Variants in JAG1 observed in about 807,000 individuals in gnomAD.
The protein encoded by JAG1 is jagged canonical Notch ligand 1.
JAG1 carries 23 observed loss-of-function variants against 148.7 expected under a neutral mutation model. That is an observed-to-expected ratio of 0.15 (90% CI 0.11 to 0.22). JAG1 has a LOEUF of 0.22. Among genes scored for constraint, JAG1 ranks in the 10% least tolerant of loss-of-function variants. JAG1 has a pLI of 1.00. For synonymous variants in JAG1, 572 were observed against 598.3 expected, an observed-to-expected ratio of 0.96 and a Z score of 0.64; for missense variants, 1,054 against 1,611.2, an observed-to-expected ratio of 0.65 and a Z score of 5.92.
chr20:10,665,675 A>G (rs2067449071), intron 2 of JAG1, among the ~76,000 whole-genome samples: 1 of 152,188 alleles, frequency 6.6e-6, no homozygotes, highest in Non-Finnish European at 1.5e-5. Context: ...GGTCACGTTG[A>G]GGCCCACGTC....
At position 10,645,181 on chromosome 20, in the gene JAG1, A is replaced by G. The variant is rs768520047; in HGVS notation, c.2189T>C (p.Met730Thr). The G allele has an allele frequency of 3.7e-6, 6 of 1,614,086 alleles. No individual in the cohort carries two copies. The highest frequency in any genetic ancestry group is 3.3e-5 in the South Asian group (3 of 91,084). The change falls in exon 17 of 26, where the codon ATG becomes ACG. Residue 730 changes from methionine (M) to threonine (T), a missense_variant. By Grantham distance (81) the Met-to-Thr change is moderately conservative. Coordinates refer to ENST00000254958, the MANE Select transcript of JAG1 (RefSeq NM_000214.3). The surrounding 1 kb of genome is among the most constrained non-coding windows in gnomAD (Gnocchi z 6.1). ...CYDEGDAFKC[M>T]CPGGWEGTTC... ...TGTTCCTTCCCAGCCGCCAGGACAC[A>G]TGCACTTAAAAGCATCCCCCTCATC...
chr20:10,653,592 G>T (rs2067360336), intron 5 of JAG1, among the ~76,000 whole-genome samples: 1 of 150,234 alleles, frequency 6.7e-6, no homozygotes, highest in Non-Finnish European at 1.5e-5. Flanking sequence ...GGAGGGTGGA[G>T]GGTGGGGTGC....
intron 3 of JAG1, among the ~76,000 whole-genome samples, chr20:10,659,083 G>A (rs569883389): frequency 2.6e-5 from 4 of 152,174 alleles, no homozygotes; most frequent in Non-Finnish European, 5.9e-5. Context: ...AGAAATGGAA[G>A]TGCTGAATCA....
In JAG1 at chr20:10,641,853, G is replaced by C. The variant is rs35761929; in HGVS notation, c.2612C>G (p.Pro871Arg). ...RPCITMGSVI[P>R]DGAKWDDDCN... ...GTCATCATCCCATTTGGCCCCATCT[G>C]GTATCACACTCCCCATGGTGATGCA... is the stretch of plus-strand genomic sequence containing the variant. The change falls in exon 22 of 26, where the codon CCA (proline) becomes CGA (arginine). Residue 871 changes from proline (P) to arginine (R), a missense_variant. Around this residue, in one of 6 missense-constraint regions of JAG1, gnomAD observed 342 missense variants for 514.6 expected, o/e 0.66. Coordinates refer to ENST00000254958, the MANE Select transcript of JAG1 (RefSeq NM_000214.3). The C allele has an allele frequency of 0.066, 106,018 of 1,613,100 alleles. 4,249 individuals carry two copies. The highest frequency in any genetic ancestry group is 0.14 in the South Asian group (12,946 of 91,048).
Position 10,638,029 on chromosome 20 carries a change from GAAC to G in JAG1, c.*1466_*1468del, listed in dbSNP as rs2067244605. On this transcript the variant is annotated 3_prime_UTR_variant, in exon 26 of 26. Transcript: ENST00000254958. ...ATTACTTTTCAAAATTTATTGCCAA[GAAC>G]AACACATCAAAGATGCATTTGTATG... 1 of 152,724 alleles carries G rather than the reference GAAC, an allele frequency of 6.5e-6. No individual in the cohort carries two copies. Among genetic ancestry groups the G allele is most frequent in the South Asian group, 2.1e-4 (1 of 4,828 alleles). The allele number at this position is 152,724 out of a possible 1,614,324, so 9.5% of individuals were successfully genotyped here.
chr20:10,672,686 C>G lies in JAG1; in HGVS notation c.387+15G>C, dbSNP rs760979506. On this transcript the variant is annotated intron_variant, in intron 2 of 25. Transcript: ENST00000254958. ...GTGAGGCTCCGCCCGGCCTCCTTCC[C>G]GAGTAGTCACTCACCGGCCAGGCGA... The G allele has an allele frequency of 4.3e-6, 7 of 1,611,384 alleles. No individual in the cohort carries two copies. Among genetic ancestry groups the G allele is most frequent in the Middle Eastern group, 1.7e-4 (1 of 6,022 alleles).
chr20:10,668,656 T>C (rs2067473669), intron 2 of JAG1, among the ~76,000 whole-genome samples: 1 of 151,464 alleles, frequency 6.6e-6, no homozygotes, highest in South Asian at 2.1e-4. Flanking sequence ...GAAGGCTCCT[T>C]GTTACCTTGA....
In JAG1 at chr20:10,641,610, G is replaced by C; in HGVS notation, c.2766C>G (p.Asp922Glu). ...TGCAGGGGTGGACGAAGCACTGGTCGTCCAGGATGGGGATGCAGCTCTGCC... is the reference window on the plus strand; with the variant it reads ...TGCAGGGGTGGACGAAGCACTGGTCCTCCAGGATGGGGATGCAGCTCTGCC... ...PSGQSCIPIL[D>E]DQCFVHPCTG... Residue 922 changes from aspartate (D) to glutamate (E), a missense_variant, in exon 23 of 26, where the codon GAC becomes GAG. By Grantham distance (45) the Asp-to-Glu change is conservative. Transcript: ENST00000254958. 3 of 1,614,060 alleles carry C rather than the reference G, an allele frequency of 1.9e-6. No homozygotes were observed. The highest frequency in any genetic ancestry group is 2.5e-6 in the Non-Finnish European group (3 of 1,180,024).
At chr20:10,651,185 A>G (rs1436325740) in intron 8 of JAG1, 1 of 187,804 alleles carries the variant, frequency 5.3e-6, no homozygotes, top group African/African-American at 2.3e-5. Flanking sequence ...AGCCAAAGGA[A>G]CTCTGCAGGC....
chr20:10,644,717 G>T (rs574437777), intron 18 of JAG1, 146 bp downstream of exon 18: 292 of 751,020 alleles, frequency 3.9e-4, no homozygotes, highest in Middle Eastern at 7.3e-4. Context: ...GGTCAGGGCT[G>T]TATCCCATCA....
In JAG1 at chr20:10,656,872, TAA is replaced by T. The variant is rs33952645; in HGVS notation, c.695-416_695-415del. ...ACACATTCAGATGAGCCTCAGCCTT[TAA>T]AAAAAAAAAAAAAAAAAAAAACAAC... is the stretch of plus-strand genomic sequence containing the variant. On this transcript the variant is annotated intron_variant, in intron 4 of 25. Transcript: ENST00000254958. Among the ~76,000 whole-genome samples, 1,086 of 113,356 alleles carry T rather than the reference TAA, an allele frequency of 9.6e-3. 15 individuals are homozygous for T. Among genetic ancestry groups the T allele is most frequent in the African/African-American group, 0.027 (844 of 31,018 alleles). The allele number at this position is 113,356 out of a possible 152,430, so 74.4% of individuals were successfully genotyped here.
At chr20:10,660,613 T>C (rs2067409958) in intron 3 of JAG1, among the ~76,000 whole-genome samples, 1 of 152,178 alleles carries the variant, frequency 6.6e-6, no homozygotes, top group African/African-American at 2.4e-5. Flanking sequence ...GCTTTCCACT[T>C]ATTTCCGGGA....
rs146155406 is a variant in JAG1, at chr20:10,643,716, G to A, written c.2458+62C>T. On this transcript the variant is annotated intron_variant, in intron 20 of 25. Transcript: ENST00000254958. ...CTTTGTTTTTAAAGATGAAAGTCTT[G>A]GGGTGAGGCATGGAATGAAGCGGTA... 5.4e-4 allele frequency: 691 copies of A among 1,269,408 alleles called. No individual in the cohort carries two copies. In the African/African-American group the frequency reaches 9.0e-3, roughly 17 times the overall value. 78.6% of individuals were successfully genotyped at this position (1,269,408 alleles called of 1,614,324 possible).
At chr20:10,660,149 A>G (rs1165468237) in intron 3 of JAG1, among the ~76,000 whole-genome samples, 1 of 152,162 alleles carries the variant, frequency 6.6e-6, no homozygotes, top group East Asian at 1.9e-4. Flanking sequence ...TGCAAGCCCT[A>G]TAAGTGACCA....
rs2067302057 is a variant in JAG1, at chr20:10,645,409, T to C, written c.2060A>G (p.Asn687Ser). 3 of 1,613,466 alleles carry C rather than the reference T, an allele frequency of 1.9e-6. No individual in the cohort carries two copies. Among genetic ancestry groups the C allele is most frequent in the Non-Finnish European group, 2.5e-6 (3 of 1,179,962 alleles). ...HNGGTCRDLV[N>S]DFYCDCKNGW... ...ATTTTTACAGTCACAGTAGAAGTCA[T>C]TGACCAGGTCGCGACACGTGCCCCC... is the stretch of plus-strand genomic sequence containing the variant. Residue 687 changes from asparagine (N) to serine (S), a missense_variant, in exon 16 of 26, where the codon AAT becomes AGT. Asn to Ser is a conservative substitution (Grantham distance 46, BLOSUM62 1). Around this residue, in one of 6 missense-constraint regions of JAG1, gnomAD observed 35 missense variants for 99.7 expected, o/e 0.35. Transcript: ENST00000254958. This position sits in a 1 kb window ranked among gnomAD's most constrained non-coding sequence, Gnocchi z 6.1.
Position 10,673,556 on chromosome 20 carries a change from C to A in JAG1, c.-26G>T. 8.2e-7 allele frequency: 1 copy of A among 1,214,946 alleles called. No individual in the cohort carries two copies. 75.3% of individuals were successfully genotyped at this position (1,214,946 alleles called of 1,614,324 possible). ...CGCTGCGCCGCGCGCCGCGGGCACT[C>A]GGGACGCCGCCGCTGCTGTTCGCGC... On this transcript the variant is annotated 5_prime_UTR_variant, in exon 1 of 26. An upstream open reading frame in the 5' UTR gains an earlier in-frame stop. Transcript: ENST00000254958. This position sits in a 1 kb window ranked among gnomAD's most constrained non-coding sequence, Gnocchi z 4.7.
At chr20:10,648,271 T>C (rs1425484694) in intron 12 of JAG1, among the ~76,000 whole-genome samples, 161 bp from the exon 13 acceptor site, 1 of 152,094 alleles carries the variant, frequency 6.6e-6, no homozygotes, top group Non-Finnish European at 1.5e-5. Flanking sequence ...GGACTGCCAA[T>C]GTCCAGTATT....
intron 8 of JAG1, 54 bp downstream of exon 8, chr20:10,651,527 G>T: frequency 1.7e-6 from 2 of 1,200,812 alleles, no homozygotes; most frequent in Non-Finnish European, 2.5e-6. Flanking sequence ...TCCCCAGCGT[G>T]GTATCTTGGC....
intron 8 of JAG1, 57 bp downstream of exon 8, chr20:10,651,524 C>T (rs1012883610): frequency 7.7e-6 from 9 of 1,166,870 alleles, no homozygotes; most frequent in African/African-American, 3.0e-5. Flanking sequence ...CTCTCCCCAG[C>T]GTGGTATCTT....
Sources: gnomAD v4.1 joint callset for allele counts (sites outside exome capture counted in the v4.1 genomes callset) on GRCh38, gnomAD v4.1.1 for gene constraint, gnomAD v4.1.1 regional missense constraint, Gnocchi (gnomAD v3.1) non-coding constraint, MANE v1.5 for transcripts, NCBI Gene and HGNC (gene_info 2026-07-23, HGNC 2026-07-21) for gene names.